SCN2A: variants seen among roughly 807,000 people sequenced by gnomAD.
SCN2A encodes sodium voltage-gated channel alpha subunit 2, also known as sodium channel protein type 2 subunit alpha.
A neutral mutation model predicts 188.7 loss-of-function variants in SCN2A; 20 were observed. The observed-to-expected ratio is 0.11, with a 90% CI of 0.07 to 0.15. SCN2A has a LOEUF of 0.15. SCN2A is among the 10% of genes least tolerant of loss of function. The pLI, the probability that SCN2A is intolerant of heterozygous loss-of-function variation, is 1.00. For missense variants in SCN2A, 1,278 were observed against 2,445.0 expected, an observed-to-expected ratio of 0.52 and a Z score of 10.07; for synonymous variants, 804 against 833.1, an observed-to-expected ratio of 0.97 and a Z score of 0.60.
chr2:165,294,162 T>C, intron 1 of SCN2A: 1 of 924,584 alleles, frequency 1.1e-6, no homozygotes, highest in Non-Finnish European at 1.3e-6. Flanking sequence ...CTTATTATGC[T>C]TATTCTCTGT....
chr2:165,302,559 T>C (rs1157691526), intron 3 of SCN2A, among the ~76,000 whole-genome samples: 1 of 152,228 alleles, frequency 6.6e-6, no homozygotes, highest in Non-Finnish European at 1.5e-5. Flanking sequence ...TTTTATACTC[T>C]ATAAATGAGT....
intron 1 of SCN2A, among the ~76,000 whole-genome samples, chr2:165,252,499 A>C (rs968296412): frequency 3.3e-5 from 5 of 152,144 alleles, no homozygotes; most frequent in African/African-American, 1.2e-4. Flanking sequence ...TTCCCTGAAA[A>C]TGCACATTCT....
Position 165,381,024 on chromosome 2 carries a change from G to C in SCN2A, c.4447-69G>C, listed in dbSNP as rs989490180. On this transcript the variant is annotated intron_variant, in intron 24 of 26. Transcript: ENST00000375437. ...GAAATGTGGGAGCCAATTTTCACATGATTACTAAGGTGGATTTTATAGCCA... is the reference window on the plus strand; with the variant it reads ...GAAATGTGGGAGCCAATTTTCACATCATTACTAAGGTGGATTTTATAGCCA... The C allele has an allele frequency of 7.3e-5, 80 of 1,091,240 alleles. No homozygotes were observed. In the East Asian group the frequency reaches 1.5e-3, roughly 20 times the overall value. The allele number at this position is 1,091,240 out of a possible 1,614,324, so 67.6% of individuals were successfully genotyped here.
At chr2:165,322,578 T>A (rs749682372) in intron 11 of SCN2A, among the ~76,000 whole-genome samples, 2 of 152,214 alleles carry the variant, frequency 1.3e-5, no homozygotes, top group Non-Finnish European at 2.9e-5. Flanking sequence ...TTGATTTAAT[T>A]TATTCATGAA....
At chr2:165,379,688 G>T (rs1701498490) in intron 23 of SCN2A, among the ~76,000 whole-genome samples, 2 of 151,748 alleles carry the variant, frequency 1.3e-5, no homozygotes, top group South Asian at 4.1e-4. Context: ...AAGAATAGCA[G>T]TTTTACAATA....
chr2:165,262,662 T>C (rs1694654907), intron 1 of SCN2A, among the ~76,000 whole-genome samples: 1 of 152,126 alleles, frequency 6.6e-6, no homozygotes, highest in Non-Finnish European at 1.5e-5. Context: ...AATGGGCGTT[T>C]GGGCTGGTGC....
At chr2:165,334,864 A>G (rs1309335276) in intron 14 of SCN2A, among the ~76,000 whole-genome samples, 2 of 150,946 alleles carry the variant, frequency 1.3e-5, no homozygotes. Context: ...AGAAAATCCT[A>G]TAAAATACAC....
Position 165,331,369 on chromosome 2 carries a change from A to T in SCN2A, c.2189A>T (p.Tyr730Phe). The change falls in exon 14 of 27, where the codon TAT becomes TTT. Residue 730 changes from tyrosine (Y) to phenylalanine (F), a missense_variant. This residue lies in a region of SCN2A where 315 missense variants were observed against 386.6 expected (regional missense o/e 0.81). Transcript: ENST00000375437. ...ESRQKCPPCW[Y>F]KFANMCLIWD... The stretch of plus-strand genomic sequence containing the variant: ...AGACAGAAATGCCCACCATGCTGGT[A>T]TAAATTTGCTAATATGTGTTTGATT... 5 of 1,613,806 alleles carry T rather than the reference A, an allele frequency of 3.1e-6. No homozygotes were observed. The highest frequency in any genetic ancestry group is 4.2e-6 in the Non-Finnish European group (5 of 1,179,740).
At position 165,308,803 on chromosome 2, in the gene SCN2A, C is replaced by G. The variant is rs1384748562; in HGVS notation, c.605+9C>G. ...ACAGTCATTACTTTTGCGTAAGTAT[C>G]TTAATACATTTTCTATCCTGGAAGA... On this transcript the variant is annotated intron_variant, in intron 5 of 26. Transcript: ENST00000375437. 4 of 1,612,238 alleles carry G rather than the reference C, an allele frequency of 2.5e-6. No homozygotes were observed. Among genetic ancestry groups the G allele is most frequent in the Non-Finnish European group, 3.4e-6 (4 of 1,178,794 alleles).
chr2:165,310,721 C>A, intron 7 of SCN2A, 126 bp downstream of exon 7: 1 of 609,202 alleles, frequency 1.6e-6, no homozygotes. Context: ...TGATTTAATA[C>A]ATATAAAAGA....
chr2:165,315,349 A>G lies in SCN2A; in HGVS notation c.1384-122A>G. On this transcript the variant is annotated intron_variant, in intron 10 of 26. Transcript: ENST00000375437. ...AACAATGTACTGTTTTCTAAAACACAGAATAAAATGGAGAATTGTTTTTCA... is the reference window on the plus strand; with the variant it reads ...AACAATGTACTGTTTTCTAAAACACGGAATAAAATGGAGAATTGTTTTTCA... 5 of 1,478,344 alleles carry G rather than the reference A, an allele frequency of 3.4e-6. No homozygotes were observed. In the South Asian group the frequency reaches 5.0e-5, roughly 15 times the overall value. 91.6% of individuals were successfully genotyped at this position (1,478,344 alleles called of 1,614,324 possible). A position where few individuals can be genotyped will look rare whatever the true frequency, so the allele number is the denominator to read the frequency against.
chr2:165,377,805 T>C (rs1230368450), intron 23 of SCN2A, among the ~76,000 whole-genome samples, 155 bp downstream of exon 23: 2 of 151,932 alleles, frequency 1.3e-5, no homozygotes, highest in Admixed American at 1.3e-4. Context: ...TACTATTTCT[T>C]TCAAAATTAT....
intron 1 of SCN2A, among the ~76,000 whole-genome samples, chr2:165,282,257 T>C (rs1251486303): frequency 6.6e-6 from 1 of 151,920 alleles, no homozygotes; most frequent in African/African-American, 2.4e-5. Context: ...CTTTGGGGGG[T>C]TGACCTTCCA....
chr2:165,291,467 TTTCTTTCTTTCTTTCTTTCTTTCTTTTC>T (rs1194771745), intron 1 of SCN2A, among the ~76,000 whole-genome samples: 15 of 38,890 alleles, frequency 3.9e-4, no homozygotes, highest in South Asian at 1.6e-3. Context: ...TCTTTCTTTC[TTTCTTTCTTTCTTTCTTTCTTTCTTTTC>T]TTTCTTTCTT....
intron 20 of SCN2A, chr2:165,372,738 G>C (rs1011831776): frequency 6.5e-6 from 1 of 153,866 alleles, no homozygotes; most frequent in African/African-American, 2.4e-5. Flanking sequence ...GCTTTTTAGA[G>C]GCCTATTCCT....
At chr2:165,285,123 C>G (rs1695772315) in intron 1 of SCN2A, 1 of 152,142 alleles carries the variant, frequency 6.6e-6, no homozygotes, top group South Asian at 2.1e-4. Flanking sequence ...TAAAGAAAAG[C>G]AAAATGTGTC....
At chr2:165,268,339 T>C (rs1441389930) in intron 1 of SCN2A, 1 of 152,032 alleles carries the variant, frequency 6.6e-6, no homozygotes, top group East Asian at 1.9e-4. Context: ...TAATACATCA[T>C]GATCAAGTGG....
chr2:165,367,657 G>A (rs985412738), intron 19 of SCN2A, among the ~76,000 whole-genome samples: 9 of 152,284 alleles, frequency 5.9e-5, no homozygotes, highest in South Asian at 2.1e-4. Flanking sequence ...ATTAAGACTG[G>A]TTATGTAGAC....
intron 1 of SCN2A, among the ~76,000 whole-genome samples, chr2:165,295,214 T>A (rs1696442930): frequency 1.3e-5 from 2 of 152,162 alleles, no homozygotes; most frequent in Non-Finnish European, 2.9e-5. Context: ...TACCTATGTT[T>A]CCATAGCCTG....
Sources: gnomAD v4.1 joint callset for allele counts (sites outside exome capture counted in the v4.1 genomes callset) on GRCh38, gnomAD v4.1.1 for gene constraint, gnomAD v4.1.1 regional missense constraint, MANE v1.5 for transcripts, NCBI Gene and HGNC (gene_info 2026-07-23, HGNC 2026-07-21) for gene names.